The following VXN variants were observed in gnomAD, a reference collection of about 807,000 sequenced individuals.
VXN encodes vexin.
VXN carries 7 observed loss-of-function variants against 23.1 expected under a neutral mutation model. That is an observed-to-expected ratio of 0.30 (90% CI 0.17 to 0.57). VXN has a LOEUF of 0.57. Ranked by LOEUF, VXN falls within the 20% of genes least tolerant of loss-of-function variation. The pLI, the probability that VXN is intolerant of heterozygous loss-of-function variation, is 0.91. For synonymous variants in VXN, 120 were observed against 105.8 expected (o/e 1.13, Z -0.83); for missense variants, 238 against 272.6 (o/e 0.87, Z 0.89).
At chr8:66,509,284 C>T (rs180939093) in intron 3 of VXN, among the ~76,000 whole-genome samples, 2 of 152,196 alleles carry the variant, frequency 1.3e-5, no homozygotes, top group African/African-American at 4.8e-5. Flanking sequence ...TGAAAGCCAG[C>T]TTTCCCCTAC....
intron 3 of VXN, 60 bp downstream of exon 3, chr8:66,505,588 C>T: frequency 7.0e-7 from 1 of 1,424,910 alleles, no homozygotes; most frequent in Non-Finnish European, 9.2e-7. Flanking sequence ...CCACTCAGAG[C>T]CACCACAAGC....
chr8:66,494,762 G>A (rs967900190), intron 1 of VXN: 14 of 152,314 alleles, frequency 9.2e-5, no homozygotes, highest in African/African-American at 2.9e-4. Context: ...GAAAGTCCAA[G>A]TTGACCCTCG....
chr8:66,497,206 T>C (rs2130541330), intron 2 of VXN, among the ~76,000 whole-genome samples: 1 of 152,324 alleles, frequency 6.6e-6, no homozygotes, highest in South Asian at 2.1e-4. Flanking sequence ...TTTGGATTAA[T>C]TCCTCAGAGC....
intron 3 of VXN, 121 bp downstream of exon 3, chr8:66,505,649 A>G: frequency 1.6e-6 from 2 of 1,218,586 alleles, no homozygotes; most frequent in Non-Finnish European, 2.2e-6. Context: ...GCGCCAGGTG[A>G]CCAAGCACCT....
chr8:66,515,036 T>G (rs1392221796), intron 5 of VXN, among the ~76,000 whole-genome samples: 1 of 152,194 alleles, frequency 6.6e-6, no homozygotes, highest in African/African-American at 2.4e-5. Flanking sequence ...CAAAAAAATT[T>G]TCTTTGATTC....
chr8:66,512,065 C>CA (rs35689084), intron 4 of VXN, among the ~76,000 whole-genome samples: 7,755 of 68,068 alleles, frequency 0.11, 291 homozygotes, highest in Middle Eastern at 0.21. Flanking sequence ...AACTCAGTTT[C>CA]AAAAAAAAAA....
Position 66,505,483 on chromosome 8 carries a change from G to A in VXN, c.235G>A (p.Ala79Thr). The change falls in exon 3 of 6, where the codon GCG becomes ACG. Residue 79 changes from alanine (A) to threonine (T), a missense_variant. Ala to Thr is a moderately conservative substitution (Grantham distance 58). Transcript: ENST00000305454. ...DRRRFGRLQTARPPTAHPAKA... is the reference protein window; with the variant it reads ...DRRRFGRLQTTRPPTAHPAKA... ...CCGCAGGTTTGGGCGGCTCCAGACC[G>A]CGCGGCCGCCCACAGCCCACCCGGC... 6.4e-7 allele frequency: 1 copy of A among 1,567,784 alleles called. No homozygotes were observed. The highest frequency in any genetic ancestry group is 8.6e-7 in the Non-Finnish European group (1 of 1,158,154).
At chr8:66,498,784 T>C (rs2251827) in intron 2 of VXN, 428,843 of 454,668 alleles carry the variant, frequency 0.94, 202,543 homozygotes, top group East Asian at 1. Flanking sequence ...AAATTTAAAA[T>C]CTATGAAATA....
chr8:66,513,714 G>A lies in VXN; in HGVS notation c.440+77G>A, dbSNP rs142257221. The A allele has an allele frequency of 4.4e-4, 558 of 1,281,458 alleles. 2 individuals are homozygous for A. The African/African-American group carries it at 7.4e-3, about 17-fold the overall frequency. The allele number at this position is 1,281,458 out of a possible 1,614,324, so 79.4% of individuals were successfully genotyped here. ...CCTTCCTTCCCCAGAAGAGCACCAG[G>A]CCGCCTGGTTGACAGACCCTCGAGA... is the stretch of plus-strand genomic sequence containing the variant. On this transcript the variant is annotated intron_variant, in intron 5 of 5. Coordinates refer to ENST00000305454, the MANE Select transcript of VXN (RefSeq NM_152765.4).
intron 1 of VXN, chr8:66,495,124 C>G (rs1807611467): frequency 6.6e-6 from 1 of 151,872 alleles, no homozygotes; most frequent in African/African-American, 2.4e-5. Context: ...CAGAAAGATA[C>G]AGATAAAATT....
intron 3 of VXN, among the ~76,000 whole-genome samples, chr8:66,509,535 G>A (rs1807797095): frequency 1.3e-5 from 2 of 152,108 alleles, no homozygotes; most frequent in Admixed American, 6.5e-5. Flanking sequence ...CTCATTTTTA[G>A]AGGGGTGTCC....
At chr8:66,497,307 T>C (rs1807637858) in intron 2 of VXN, among the ~76,000 whole-genome samples, 1 of 152,258 alleles carries the variant, frequency 6.6e-6, no homozygotes, top group African/African-American at 2.4e-5. Context: ...ATTCCTACTG[T>C]GTGTGACAAA....
At position 66,513,612 on chromosome 8, in the gene VXN, G is replaced by A; in HGVS notation, c.415G>A (p.Glu139Lys). The A allele has an allele frequency of 6.2e-7, 1 of 1,614,182 alleles. No individual in the cohort carries two copies. The highest frequency in any genetic ancestry group is 8.5e-7 in the Non-Finnish European group (1 of 1,180,022). Residue 139 changes from glutamate to lysine, a missense_variant, in exon 5 of 6, where the codon GAG becomes AAG. Coordinates refer to ENST00000305454, the MANE Select transcript of VXN (RefSeq NM_152765.4). ...ATTGGAGGCGACAGCCATGGGCACA[G>A]AGAAGGGAGCTGTTCTGATGAGAGG... Reference protein sequence around the residue: ...ASLEATAMGTEKGAVLMRGSR... With the variant: ...ASLEATAMGTKKGAVLMRGSR...
At chr8:66,493,898 A>C (rs1333832165) in intron 1 of VXN, among the ~76,000 whole-genome samples, 180 bp downstream of exon 1, 1 of 152,096 alleles carries the variant, frequency 6.6e-6, no homozygotes, top group Non-Finnish European at 1.5e-5. Flanking sequence ...AACATCAATC[A>C]CTGAGAAACA....
At chr8:66,506,912 G>A (rs536435876) in intron 3 of VXN, among the ~76,000 whole-genome samples, 1 of 149,616 alleles carries the variant, frequency 6.7e-6, no homozygotes, top group South Asian at 2.1e-4. Context: ...CTATATATAG[G>A]TGGGTGGGTG....
intron 4 of VXN, 129 bp from the exon 5 acceptor site, chr8:66,513,411 C>A: frequency 1.2e-6 from 1 of 807,890 alleles, no homozygotes; most frequent in Non-Finnish European, 2.1e-6. Context: ...CCCACACCTG[C>A]TGAATGATGA....
chr8:66,505,870 C>T (rs571230970), intron 3 of VXN, among the ~76,000 whole-genome samples: 4 of 152,144 alleles, frequency 2.6e-5, no homozygotes, highest in East Asian at 3.9e-4. Context: ...GCAGCAATCA[C>T]GGCTCACTGC....
intron 3 of VXN, among the ~76,000 whole-genome samples, chr8:66,505,844 A>G (rs1807750300): frequency 6.6e-6 from 1 of 151,968 alleles, no homozygotes; most frequent in African/African-American, 2.4e-5. Context: ...TGTGTTACCT[A>G]GGCTGGAGTG....
chr8:66,501,538 A>G (rs750050687), intron 2 of VXN, among the ~76,000 whole-genome samples: 1 of 152,186 alleles, frequency 6.6e-6, no homozygotes, highest in Non-Finnish European at 1.5e-5. Flanking sequence ...AGTTTAAGAA[A>G]GTTTCACCAC....
Sources: gnomAD v4.1 joint callset for allele counts (sites outside exome capture counted in the v4.1 genomes callset) on GRCh38, gnomAD v4.1.1 for gene constraint, MANE v1.5 for transcripts, NCBI Gene and HGNC (gene_info 2026-07-23, HGNC 2026-07-21) for gene names.